Variants in LCOR observed in about 807,000 individuals in gnomAD.
The protein encoded by LCOR is ligand dependent nuclear receptor corepressor, also known as ligand-dependent corepressor.
In LCOR, 14 loss-of-function variants were observed where a neutral mutation model predicts 64.4. The ratio of observed to expected loss-of-function variants is 0.22; its 90% CI spans 0.14 to 0.34. The LOEUF (loss-of-function observed/expected upper bound fraction) is 0.34, where lower values mean the gene tolerates loss of function less well. LCOR is among the 10% of genes least tolerant of loss of function. The probability of loss-of-function intolerance (pLI) is 1.00; values close to 1 mark genes in which losing one functional copy is unlikely to be tolerated. For missense variants in LCOR, 1,686 were observed against 1,765.3 expected, an observed-to-expected ratio of 0.96 and a Z score of 0.80; for synonymous variants, 643 against 642.5, an observed-to-expected ratio of 1.00 and a Z score of -0.01.
intron 5 of LCOR, among the ~76,000 whole-genome samples, chr10:96,948,083 A>G (rs1349014681): frequency 6.6e-6 from 1 of 152,186 alleles, no homozygotes; most frequent in Non-Finnish European, 1.5e-5. Context: ...TATTTATACA[A>G]GTCATTTTCC....
In LCOR at chr10:96,955,911, A is replaced by C. The variant is rs574640163; in HGVS notation, c.332+3715A>C. On this transcript the variant is annotated intron_variant, in intron 7 of 7. Transcript: ENST00000421806. ...GGCAGCACAAAGTGCAAATGAATCA[A>C]AAAACGAGTAGGAATACTGTAGAGT... The C allele has an allele frequency of 8.5e-5, 137 of 1,612,620 alleles. 1 individual carries two copies. In the East Asian group the frequency reaches 2.6e-3, roughly 31 times the overall value.
Position 96,920,751 on chromosome 10 carries a change from TAC to T in LCOR, c.-184+13043_-184+13044del, listed in dbSNP as rs55839435. On this transcript the variant is annotated intron_variant, in intron 4 of 7. Coordinates refer to ENST00000421806, the MANE Select transcript of LCOR (RefSeq NM_001346516.2). ...GTTCATATATATGTGTATATATGTA[TAC>T]ACACACACACACACACACACACACA... Among the ~76,000 whole-genome samples, 108 of 118,862 alleles carry T rather than the reference TAC, an allele frequency of 9.1e-4. 6 individuals carry two copies. Among genetic ancestry groups the T allele is most frequent in the Middle Eastern group, 4.0e-3 (1 of 248 alleles). 78.0% of individuals were successfully genotyped at this position (118,862 alleles called of 152,430 possible).
chr10:96,856,364 A>G (rs1845804524), intron 2 of LCOR, among the ~76,000 whole-genome samples: 1 of 151,992 alleles, frequency 6.6e-6, no homozygotes, highest in Non-Finnish European at 1.5e-5. Flanking sequence ...CCCAGCCCTA[A>G]TGGGCATTTT....
At chr10:96,873,408 A>G (rs1184013664) in intron 2 of LCOR, among the ~76,000 whole-genome samples, 1 of 152,062 alleles carries the variant, frequency 6.6e-6, no homozygotes, top group Non-Finnish European at 1.5e-5. Context: ...TTTTTCCCTG[A>G]ATTGCTGAGT....
intron 2 of LCOR, among the ~76,000 whole-genome samples, chr10:96,833,846 G>C (rs938408563): frequency 3.3e-5 from 5 of 152,126 alleles, no homozygotes; most frequent in African/African-American, 1.2e-4. Context: ...CATGCGGTGA[G>C]AAGTTCTCTT....
At chr10:96,869,546 A>C (rs1846035666) in intron 2 of LCOR, among the ~76,000 whole-genome samples, 1 of 149,406 alleles carries the variant, frequency 6.7e-6, no homozygotes, top group African/African-American at 2.5e-5. Flanking sequence ...TTAGTATCTC[A>C]GTAGTTCGTT....
At chr10:96,956,233 T>G (rs1377987013) in intron 7 of LCOR, 2 of 1,042,878 alleles carry the variant, frequency 1.9e-6, no homozygotes, top group Non-Finnish European at 2.3e-6. Flanking sequence ...GCTTTTTTGT[T>G]TTTTTTTGTT....
intron 2 of LCOR, among the ~76,000 whole-genome samples, chr10:96,869,966 G>A (rs536968673): frequency 2.6e-5 from 4 of 152,308 alleles, no homozygotes; most frequent in Non-Finnish European, 5.9e-5. Context: ...TTATCATTAA[G>A]CCTAAGCTAG....
At chr10:96,953,239 T>C (rs1290437990) in intron 7 of LCOR, among the ~76,000 whole-genome samples, 1 of 151,994 alleles carries the variant, frequency 6.6e-6, no homozygotes, top group Non-Finnish European at 1.5e-5. Flanking sequence ...CCCAAATCTT[T>C]GGGTTCTATT....
chr10:96,872,563 T>C (rs1846090009), intron 2 of LCOR, among the ~76,000 whole-genome samples: 1 of 152,130 alleles, frequency 6.6e-6, no homozygotes, highest in Non-Finnish European at 1.5e-5. Flanking sequence ...TACGCACCTG[T>C]AGTCCCAGCT....
At chr10:96,893,336 T>C (rs1009279321) in intron 2 of LCOR, among the ~76,000 whole-genome samples, 4 of 152,252 alleles carry the variant, frequency 2.6e-5, no homozygotes, top group African/African-American at 9.6e-5. Flanking sequence ...CCTCTCTGCC[T>C]TCTTTGCTTC....
intron 4 of LCOR, chr10:96,915,681 A>G (rs1306186894): frequency 3.9e-6 from 3 of 770,360 alleles, no homozygotes; most frequent in South Asian, 2.7e-5. Flanking sequence ...CTGATTTGGC[A>G]TTTCCCATTT....
At chr10:96,862,723 A>T (rs1845907771) in intron 2 of LCOR, among the ~76,000 whole-genome samples, 1 of 152,116 alleles carries the variant, frequency 6.6e-6, no homozygotes, top group Non-Finnish European at 1.5e-5. Context: ...GCTACCTAGG[A>T]ATTGCCAGCC....
In LCOR at chr10:96,888,759, C is replaced by G. The variant is rs569150856; in HGVS notation, c.-329-18506C>G. Among the ~76,000 whole-genome samples, 489 of 152,230 alleles carry G rather than the reference C, an allele frequency of 3.2e-3. 1 individual carries two copies. The highest frequency in any genetic ancestry group is 5.5e-3 in the Non-Finnish European group (371 of 68,016). On this transcript the variant is annotated intron_variant, in intron 2 of 7. Transcript: ENST00000421806. ...CATGTATAAATTTATATACCCAACA[C>G]CACAACTAAGAAACAGAATAGTTTC...
At chr10:96,931,674 A>T (rs1367432948) in intron 4 of LCOR, among the ~76,000 whole-genome samples, 1 of 152,162 alleles carries the variant, frequency 6.6e-6, no homozygotes, top group Non-Finnish European at 1.5e-5. Flanking sequence ...CAACCTGAAG[A>T]TAGATGGACC....
At chr10:96,841,591 C>G (rs1167937530) in intron 2 of LCOR, among the ~76,000 whole-genome samples, 1 of 151,782 alleles carries the variant, frequency 6.6e-6, no homozygotes. Flanking sequence ...GAACTCCTGA[C>G]CTCAAGTGAT....
intron 2 of LCOR, among the ~76,000 whole-genome samples, chr10:96,872,051 C>A (rs1846081136): frequency 6.6e-6 from 1 of 152,156 alleles, no homozygotes; most frequent in Non-Finnish European, 1.5e-5. Context: ...TTCTTCTGAC[C>A]AGAAACACCT....
chr10:96,897,238 T>C (rs1158751345), intron 2 of LCOR, among the ~76,000 whole-genome samples: 1 of 152,232 alleles, frequency 6.6e-6, no homozygotes, highest in Non-Finnish European at 1.5e-5. Context: ...CATATGTTAT[T>C]GTTTGTAGCA....
intron 4 of LCOR, among the ~76,000 whole-genome samples, chr10:96,943,015 G>T (rs773725358): frequency 2.6e-5 from 4 of 152,156 alleles, no homozygotes; most frequent in Non-Finnish European, 5.9e-5. Context: ...TGCTCCTGCA[G>T]TCTGGGATTA....
Sources: allele counts gnomAD v4.1 joint callset (sites outside exome capture counted in the v4.1 genomes callset), GRCh38; gene constraint gnomAD v4.1.1; transcripts MANE v1.5; gene names NCBI Gene and HGNC (gene_info 2026-07-23, HGNC 2026-07-21).